Variants in NBAS observed in about 807,000 individuals in gnomAD.
NBAS encodes the protein NAG/BC035112 fusion.
In NBAS, 219 loss-of-function variants were observed where a neutral mutation model predicts 302.5. The observed-to-expected ratio is 0.72, with a 90% CI of 0.65 to 0.81. The LOEUF (loss-of-function observed/expected upper bound fraction) is 0.81. NBAS is among the 30% of genes least tolerant of loss of function. NBAS has a pLI of 0.00. For synonymous variants in NBAS, 1,118 were observed against 1,021.6 expected (o/e 1.09, Z -1.80); for missense variants, 2,932 against 2,841.6 (o/e 1.03, Z -0.72).
At chr2:14,819,650 T>C in the NBAS span, among the ~76,000 whole-genome samples, 1 of 151,966 alleles carries the variant, frequency 6.6e-6, no homozygotes, top group African/African-American at 2.4e-5. Flanking sequence ...GAATAAAGAG[T>C]GTTTACTAGT....
At chr2:15,511,492 A>G (rs1662144051) in intron 9 of NBAS, 142 bp from the exon 10 acceptor site, 5 of 759,998 alleles carry the variant, frequency 6.6e-6, no homozygotes. Context: ...TAAATATTTC[A>G]GAGGAAACAA....
intron 9 of NBAS, among the ~76,000 whole-genome samples, chr2:15,520,822 G>A (rs73202735): frequency 0.049 from 7,512 of 152,200 alleles, 578 homozygotes; most frequent in African/African-American, 0.16. Context: ...CCAGAGAAAA[G>A]CTTACTGGGC....
the NBAS span, among the ~76,000 whole-genome samples, chr2:14,883,642 T>C: frequency 6.6e-6 from 1 of 152,168 alleles, no homozygotes; most frequent in African/African-American, 2.4e-5. Context: ...CATGCTGAAT[T>C]GATCAACCTC....
chr2:15,468,344 T>C, intron 17 of NBAS, 38 bp downstream of exon 17: 1 of 1,612,670 alleles, frequency 6.2e-7, no homozygotes, highest in Non-Finnish European at 8.5e-7. Context: ...TTTCACAAAG[T>C]CACCTTTACT....
At chr2:15,524,951 C>T (rs945198019) in intron 9 of NBAS, among the ~76,000 whole-genome samples, 1 of 152,154 alleles carries the variant, frequency 6.6e-6, no homozygotes, top group East Asian at 1.9e-4. Context: ...CAACCCACAG[C>T]TGATGCTAAA....
the NBAS span, among the ~76,000 whole-genome samples, chr2:14,878,903 A>G: frequency 6.6e-6 from 1 of 151,974 alleles, no homozygotes; most frequent in African/African-American, 2.4e-5. Context: ...GTCGACCATT[A>G]TAGCATCATA....
At chr2:15,215,203 G>C (rs1666600190) in intron 48 of NBAS, among the ~76,000 whole-genome samples, 1 of 152,094 alleles carries the variant, frequency 6.6e-6, no homozygotes, top group Non-Finnish European at 1.5e-5. Context: ...TTCTGGAATG[G>C]AAATAAAAGC....
chr2:15,349,285 T>C (rs538842647), intron 35 of NBAS, among the ~76,000 whole-genome samples: 2 of 152,242 alleles, frequency 1.3e-5, no homozygotes, highest in East Asian at 3.9e-4. Flanking sequence ...GAAAGACAAC[T>C]CCTCCTAATA....
At chr2:14,925,090 T>C in the NBAS span, among the ~76,000 whole-genome samples, 1 of 152,188 alleles carries the variant, frequency 6.6e-6, no homozygotes. Context: ...TACAGGTGTG[T>C]TCCCCAAGGA....
At chr2:14,790,841 G>GTGTTA in the NBAS span, among the ~76,000 whole-genome samples, 1 of 151,526 alleles carries the variant, frequency 6.6e-6, no homozygotes, top group Non-Finnish European at 1.5e-5. Context: ...GTATGTATGT[G>GTGTTA]TGTTTTGTTT....
the NBAS span, among the ~76,000 whole-genome samples, chr2:14,847,879 G>T: frequency 6.6e-6 from 1 of 152,084 alleles, no homozygotes; most frequent in Non-Finnish European, 1.5e-5. Flanking sequence ...CCATATGTTA[G>T]GTCACAAAAC....
chr2:15,560,530 C>T (rs1664862554), intron 1 of NBAS, among the ~76,000 whole-genome samples: 1 of 152,052 alleles, frequency 6.6e-6, no homozygotes, highest in South Asian at 2.1e-4. Context: ...CGAGAAGCTC[C>T]ACGAAAACAT....
At chr2:15,485,763 GA>G (rs1365565161) in intron 12 of NBAS, among the ~76,000 whole-genome samples, 1 of 152,200 alleles carries the variant, frequency 6.6e-6, no homozygotes, top group East Asian at 1.9e-4. Flanking sequence ...TGAAGTTTTG[GA>G]AAGTACGGCA....
chr2:15,402,593 T>A (rs1200181151), intron 25 of NBAS, among the ~76,000 whole-genome samples: 1 of 152,168 alleles, frequency 6.6e-6, no homozygotes. Flanking sequence ...ACACTGTGAA[T>A]TAAAAAGGCA....
At chr2:14,923,995 C>T in the NBAS span, among the ~76,000 whole-genome samples, 1 of 152,144 alleles carries the variant, frequency 6.6e-6, no homozygotes, top group African/African-American at 2.4e-5. Flanking sequence ...CACTTCCCTC[C>T]CCTGGCTGGA....
chr2:15,238,768 AAAGTG>A, intron 44 of NBAS, 82 bp from the exon 45 acceptor site: 2 of 1,275,826 alleles, frequency 1.6e-6, no homozygotes, highest in Non-Finnish European at 2.2e-6. Flanking sequence ...AGTTAGAACA[AAAGTG>A]AAATTTTTGT....
the NBAS span, among the ~76,000 whole-genome samples, chr2:14,843,115 C>A: frequency 6.6e-6 from 1 of 152,078 alleles, no homozygotes; most frequent in Non-Finnish European, 1.5e-5. Flanking sequence ...TAAAATTCAA[C>A]ATCCTTTTAT....
At chr2:15,484,411 C>G (rs971582502) in intron 12 of NBAS, among the ~76,000 whole-genome samples, 1 of 152,046 alleles carries the variant, frequency 6.6e-6, no homozygotes, top group African/African-American at 2.4e-5. Context: ...TCAAGTTAAC[C>G]TCTTTTAGCA....
At chr2:15,044,104 G>A in the NBAS span, among the ~76,000 whole-genome samples, 2 of 151,170 alleles carry the variant, frequency 1.3e-5, no homozygotes, top group Non-Finnish European at 2.9e-5. Flanking sequence ...TAAAGGGTTA[G>A]GCTGAACAGA....
Sources: allele counts gnomAD v4.1 joint callset (sites outside exome capture counted in the v4.1 genomes callset), GRCh38; gene constraint gnomAD v4.1.1; transcripts MANE v1.5; gene names NCBI Gene and HGNC (gene_info 2026-07-23, HGNC 2026-07-21).